OR10J5: variants seen among roughly 807,000 people sequenced by gnomAD.
OR10J5 encodes olfactory receptor family 10 subfamily J member 5.
For synonymous variants in OR10J5, 171 were observed against 137.1 expected, an observed-to-expected ratio of 1.25 and a Z score of -1.73; for missense variants, 389 against 372.1, an observed-to-expected ratio of 1.05 and a Z score of -0.37.
chr1:159,535,939 A>T lies in OR10J5; in HGVS notation c.69T>A (p.His23Gln). The T allele has an allele frequency of 1.2e-6, 2 of 1,613,506 alleles. No individual in the cohort carries two copies. Among genetic ancestry groups the T allele is most frequent in the Non-Finnish European group, 1.7e-6 (2 of 1,179,858 alleles). Reference protein sequence around the residue: ...IFLGFSSFGKHQITLFVVFLT... With the variant: ...IFLGFSSFGKQQITLFVVFLT... ...GGAAAACCACAAAGAGGGTTATCTG[A>T]TGCTTTCCAAAGCTAGAAAATCCCA... The change falls in exon 1 of 1, where the codon CAT becomes CAA. Residue 23 changes from histidine (H) to glutamine (Q), a missense_variant. By Grantham distance (24) the His-to-Gln change is conservative. Coordinates refer to ENST00000334857, the MANE Select transcript of OR10J5 (RefSeq NM_001004469.1).
chr1:159,535,931 G>A lies in OR10J5; in HGVS notation c.77C>T (p.Thr26Ile), dbSNP rs756122652. Residue 26 changes from threonine (T) to isoleucine (I), a missense_variant, in exon 1 of 1, where the codon ACC becomes ATC. Thr to Ile is a moderately conservative substitution (Grantham distance 89). Coordinates refer to ENST00000334857, the MANE Select transcript of OR10J5 (RefSeq NM_001004469.1). ...GFSSFGKHQITLFVVFLTVYI... is the reference protein window; with the variant it reads ...GFSSFGKHQIILFVVFLTVYI... ...GACAGTTAGGAAAACCACAAAGAGG[G>A]TTATCTGATGCTTTCCAAAGCTAGA... 5 of 1,613,614 alleles carry A rather than the reference G, an allele frequency of 3.1e-6. No homozygotes were observed. The highest frequency in any genetic ancestry group is 3.3e-4 in the Middle Eastern group (2 of 6,082).
Position 159,535,114 on chromosome 1 carries a change from A to G in OR10J5, c.894T>C (p.Asp298=), listed in dbSNP as rs1657826009. The G allele has an allele frequency of 2.5e-6, 4 of 1,613,858 alleles. No individual in the cohort carries two copies. The highest frequency in any genetic ancestry group is 3.4e-6 in the Non-Finnish European group (4 of 1,179,802). Residue 298 remains aspartate, a synonymous_variant, in exon 1 of 1, where the codon GAT becomes GAC. Coordinates refer to ENST00000334857, the MANE Select transcript of OR10J5 (RefSeq NM_001004469.1). ...TTCTGCCCACAACTCTGCATAGGGC[A>G]TCCTTTACCTCCTTGTTTCTCAGAC... ...VYSLRNKEVK[D]ALCRVVGRNI...
rs368340006 is a variant in OR10J5 at position 159,535,934 on chromosome 1, A to G, written c.74T>C (p.Ile25Thr). ...LGFSSFGKHQ[I>T]TLFVVFLTVY... is the part of the protein sequence containing the mutation. The stretch of plus-strand genomic sequence containing the variant: ...AGTTAGGAAAACCACAAAGAGGGTT[A>G]TCTGATGCTTTCCAAAGCTAGAAAA... The change falls in exon 1 of 1, where the codon ATA (isoleucine) becomes ACA (threonine). Residue 25 changes from isoleucine (I) to threonine (T), a missense_variant. Ile to Thr is a moderately conservative substitution (Grantham distance 89). Coordinates refer to ENST00000334857, the MANE Select transcript of OR10J5 (RefSeq NM_001004469.1). 3.1e-6 allele frequency: 5 copies of G among 1,613,642 alleles called. No homozygotes were observed. The highest frequency in any genetic ancestry group is 4.2e-6 in the Non-Finnish European group (5 of 1,179,864).
Position 159,535,166 on chromosome 1 carries a change from G to T in OR10J5, c.842C>A (p.Thr281Asn), listed in dbSNP as rs1483639968. The change falls in exon 1 of 1, where the codon ACT (threonine) becomes AAT (asparagine). Residue 281 changes from threonine (T) to asparagine (N), a missense_variant. Coordinates refer to ENST00000334857, the MANE Select transcript of OR10J5 (RefSeq NM_001004469.1). ...GTAAACAACAGGGTTCAGCAAGGGA[G>T]TGATGATGGTGTACGTCACTGAGAG... is the stretch of plus-strand genomic sequence containing the variant. ...LVLSVTYTII[T>N]PLLNPVVYSL... The T allele has an allele frequency of 5.6e-6, 9 of 1,614,052 alleles. No individual in the cohort carries two copies. The highest frequency in any genetic ancestry group is 6.8e-6 in the Non-Finnish European group (8 of 1,179,950).
Position 159,535,185 on chromosome 1 carries a change from C to T in OR10J5, c.823G>A (p.Val275Met). The change falls in exon 1 of 1, where the codon GTG (valine) becomes ATG (methionine). Residue 275 changes from valine (V) to methionine (M), a missense_variant. Coordinates refer to ENST00000334857, the MANE Select transcript of OR10J5 (RefSeq NM_001004469.1). ...SSIEKDLVLSVTYTIITPLLN... is the reference protein window; with the variant it reads ...SSIEKDLVLSMTYTIITPLLN... ...AAGGGAGTGATGATGGTGTACGTCA[C>T]TGAGAGAACAAGGTCTTTTTCTATT... 6.2e-7 allele frequency: 1 copy of T among 1,614,032 alleles called. No homozygotes were observed. Among genetic ancestry groups the T allele is most frequent in the Non-Finnish European group, 8.5e-7 (1 of 1,179,954 alleles).
Position 159,535,444 on chromosome 1 carries a change from G to A in OR10J5, c.564C>T (p.Cys188=). Residue 188 remains cysteine, a synonymous_variant, in exon 1 of 1, where the codon TGC becomes TGT. Coordinates refer to ENST00000334857, the MANE Select transcript of OR10J5 (RefSeq NM_001004469.1). The part of the protein sequence containing the change: ...CDIYPVMKLS[C]IDTTINEIIN... ...TTATCTCATTGATAGTGGTATCAATGCAAGAAAGTTTCATGACTGGGTAAA... is the reference window on the plus strand; with the variant it reads ...TTATCTCATTGATAGTGGTATCAATACAAGAAAGTTTCATGACTGGGTAAA... The A allele has an allele frequency of 2.5e-6, 4 of 1,614,070 alleles. No individual in the cohort carries two copies. The highest frequency in any genetic ancestry group is 3.4e-6 in the Non-Finnish European group (4 of 1,179,922).
At position 159,535,697 on chromosome 1, in the gene OR10J5, A is replaced by T. The variant is rs907269563; in HGVS notation, c.311T>A (p.Phe104Tyr). 6.2e-7 allele frequency: 1 copy of T among 1,614,200 alleles called. No individual in the cohort carries two copies. Among genetic ancestry groups the T allele is most frequent in the African/African-American group, 1.3e-5 (1 of 75,054 alleles). The change falls in exon 1 of 1, where the codon TTT (phenylalanine) becomes TAT (tyrosine). Residue 104 changes from phenylalanine (F) to tyrosine (Y), a missense_variant. Coordinates refer to ENST00000334857, the MANE Select transcript of OR10J5 (RefSeq NM_001004469.1). Reference protein sequence around the residue: ...LAGCATQMFFFVILATNNCFL... With the variant: ...LAGCATQMFFYVILATNNCFL... ...GCAATTATTAGTGGCCAAGATAACA[A>T]AAAAGAACATTTGTGTAGCACAGCC... is the stretch of plus-strand genomic sequence containing the variant.
In OR10J5 at chr1:159,535,647, C is replaced by T; in HGVS notation, c.361G>A (p.Asp121Asn). 1 of 1,614,098 alleles carries T rather than the reference C, an allele frequency of 6.2e-7. No homozygotes were observed. The highest frequency in any genetic ancestry group is 8.5e-7 in the Non-Finnish European group (1 of 1,180,022). The change falls in exon 1 of 1, where the codon GAC becomes AAC. Residue 121 changes from aspartate (D) to asparagine (N), a missense_variant. Transcript: ENST00000334857. Reference sequence around the variant, plus strand: ...GGTCTGCAGATGGCCACATAGCGGTCATACCCCATTGCAGTAAGCAGGAAG... The same window carrying T: ...GGTCTGCAGATGGCCACATAGCGGTTATACCCCATTGCAGTAAGCAGGAAG... The part of the protein sequence containing the change: ...NCFLLTAMGY[D>N]RYVAICRPLR...
Position 159,535,931 on chromosome 1 carries a change from G to T in OR10J5, c.77C>A (p.Thr26Asn). Reference sequence around the variant, plus strand: ...GACAGTTAGGAAAACCACAAAGAGGGTTATCTGATGCTTTCCAAAGCTAGA... The same window carrying T: ...GACAGTTAGGAAAACCACAAAGAGGTTTATCTGATGCTTTCCAAAGCTAGA... ...GFSSFGKHQI[T>N]LFVVFLTVYI... Residue 26 changes from threonine (T) to asparagine (N), a missense_variant, in exon 1 of 1, where the codon ACC becomes AAC. By Grantham distance (65) the Thr-to-Asn change is moderately conservative. Transcript: ENST00000334857. 1.2e-6 allele frequency: 2 copies of T among 1,613,732 alleles called. No homozygotes were observed. The highest frequency in any genetic ancestry group is 8.5e-7 in the Non-Finnish European group (1 of 1,179,774).
chr1:159,535,876 G>C lies in OR10J5; in HGVS notation c.132C>G (p.Ile44Met). The C allele has an allele frequency of 6.2e-7, 1 of 1,614,060 alleles. No homozygotes were observed. The highest frequency in any genetic ancestry group is 8.5e-7 in the Non-Finnish European group (1 of 1,179,900). ...VYILTLVANI[I>M]IVTIICIDHH... is the part of the protein sequence containing the mutation. Reference sequence around the variant, plus strand: ...GGTCAATGCAGATGATAGTCACAATGATGATGTTAGCAACCAGAGTTAAAA... The same window carrying C: ...GGTCAATGCAGATGATAGTCACAATCATGATGTTAGCAACCAGAGTTAAAA... The change falls in exon 1 of 1, where the codon ATC becomes ATG. Residue 44 changes from isoleucine to methionine, a missense_variant. By Grantham distance (10) the Ile-to-Met change is conservative (BLOSUM62 1). Transcript: ENST00000334857.
In OR10J5 at chr1:159,535,680, T is replaced by C. The variant is rs780730919; in HGVS notation, c.328A>G (p.Asn110Asp). 20 of 1,614,122 alleles carry C rather than the reference T, an allele frequency of 1.2e-5. No individual in the cohort carries two copies. The South Asian group carries it at 1.9e-4, about 15-fold the overall frequency. The change falls in exon 1 of 1, where the codon AAT becomes GAT. Residue 110 changes from asparagine to aspartate, a missense_variant. Asn to Asp is a conservative substitution (Grantham distance 23, BLOSUM62 1). Transcript: ENST00000334857. ...QMFFFVILAT[N>D]NCFLLTAMGY... ...ATTGCAGTAAGCAGGAAGCAATTAT[T>C]AGTGGCCAAGATAACAAAAAAGAAC...
rs1253723547 is a variant in OR10J5 at position 159,535,208 on chromosome 1, A to G, written c.800T>C (p.Ile267Thr). 1.2e-6 allele frequency: 2 copies of G among 1,613,998 alleles called. No individual in the cohort carries two copies. The highest frequency in any genetic ancestry group is 1.7e-6 in the Non-Finnish European group (2 of 1,179,980). The stretch of plus-strand genomic sequence containing the variant: ...CACTGAGAGAACAAGGTCTTTTTCT[A>G]TTGAACTTTCTGACTTCGGCTTGAG... The part of the protein sequence containing the change: ...AYLKPKSESS[I>T]EKDLVLSVTY... Residue 267 changes from isoleucine to threonine, a missense_variant, in exon 1 of 1, where the codon ATA becomes ACA. Transcript: ENST00000334857.
At position 159,535,766 on chromosome 1, in the gene OR10J5, A is replaced by G; in HGVS notation, c.242T>C (p.Met81Thr). Residue 81 changes from methionine (M) to threonine (T), a missense_variant, in exon 1 of 1, where the codon ATG becomes ACG. Met to Thr is a moderately conservative substitution (Grantham distance 81). Coordinates refer to ENST00000334857, the MANE Select transcript of OR10J5 (RefSeq NM_001004469.1). ...GTTATGAAAAATGAGGCTCAAAAGC[A>G]TTCGTGGCACAATGACCAGTGTGTA... ...TVYTLVIVPR[M>T]LLSLIFHNQP... is the part of the protein sequence containing the mutation. 6.2e-7 allele frequency: 1 copy of G among 1,614,212 alleles called. No homozygotes were observed. Among genetic ancestry groups the G allele is most frequent in the South Asian group, 1.1e-5 (1 of 91,086 alleles).
At position 159,535,172 on chromosome 1, in the gene OR10J5, A is replaced by G; in HGVS notation, c.836T>C (p.Ile279Thr). Residue 279 changes from isoleucine to threonine, a missense_variant, in exon 1 of 1, where the codon ATC (isoleucine) becomes ACC (threonine). Transcript: ENST00000334857. ...AACAGGGTTCAGCAAGGGAGTGATG[A>G]TGGTGTACGTCACTGAGAGAACAAG... is the stretch of plus-strand genomic sequence containing the variant. Reference protein sequence around the residue: ...KDLVLSVTYTIITPLLNPVVY... With the variant: ...KDLVLSVTYTTITPLLNPVVY... The G allele has an allele frequency of 1.2e-6, 2 of 1,613,656 alleles. No homozygotes were observed. The highest frequency in any genetic ancestry group is 1.7e-6 in the Non-Finnish European group (2 of 1,179,580).
At position 159,535,358 on chromosome 1, in the gene OR10J5, T is replaced by A. The variant is rs372971358; in HGVS notation, c.650A>T (p.Tyr217Phe). ...AAGGATGGAAGAGATGACAAGGACA[T>A]AGGAGATAAATATCAGGCCTATGGG... The part of the protein sequence containing the change: ...FVPIGLIFIS[Y>F]VLVISSILQI... Residue 217 changes from tyrosine (Y) to phenylalanine (F), a missense_variant, in exon 1 of 1, where the codon TAT becomes TTT. Transcript: ENST00000334857. 84 of 1,614,038 alleles carry A rather than the reference T, an allele frequency of 5.2e-5. No homozygotes were observed. Among genetic ancestry groups the A allele is most frequent in the Non-Finnish European group, 6.9e-5 (82 of 1,180,024 alleles).
rs977776124 is a variant in OR10J5, at chr1:159,535,852, G to T, written c.156C>A (p.Asp52Glu). Residue 52 changes from aspartate (D) to glutamate (E), a missense_variant, in exon 1 of 1, where the codon GAC (aspartate) becomes GAA (glutamate). Coordinates refer to ENST00000334857, the MANE Select transcript of OR10J5 (RefSeq NM_001004469.1). ...AATACATGGGAGTGTGGAGATGATGGTCAATGCAGATGATAGTCACAATGA... is the reference window on the plus strand; with the variant it reads ...AATACATGGGAGTGTGGAGATGATGTTCAATGCAGATGATAGTCACAATGA... ...NIIIVTIICI[D>E]HHLHTPMYFF... The T allele has an allele frequency of 2.5e-6, 4 of 1,614,138 alleles. No individual in the cohort carries two copies. Among genetic ancestry groups the T allele is most frequent in the Non-Finnish European group, 3.4e-6 (4 of 1,179,982 alleles).
rs149827201 is a variant in OR10J5 at position 159,535,117 on chromosome 1, C to T, written c.891G>A (p.Lys297=). ...VVYSLRNKEV[K]DALCRVVGRN... is the part of the protein sequence containing the mutation. ...TGCCCACAACTCTGCATAGGGCATCCTTTACCTCCTTGTTTCTCAGACTGT... is the reference window on the plus strand; with the variant it reads ...TGCCCACAACTCTGCATAGGGCATCTTTTACCTCCTTGTTTCTCAGACTGT... Residue 297 remains lysine, a synonymous_variant, in exon 1 of 1, where the codon AAG becomes AAA. Transcript: ENST00000334857. 6.2e-7 allele frequency: 1 copy of T among 1,613,926 alleles called. No individual in the cohort carries two copies. The highest frequency in any genetic ancestry group is 8.5e-7 in the Non-Finnish European group (1 of 1,179,904).
chr1:159,535,314 C>A lies in OR10J5; in HGVS notation c.694G>T (p.Gly232Cys). Residue 232 changes from glycine to cysteine, a missense_variant, in exon 1 of 1, where the codon GGC becomes TGC. Physicochemically the swap from Gly to Cys is radical, Grantham distance 159. Coordinates refer to ENST00000334857, the MANE Select transcript of OR10J5 (RefSeq NM_001004469.1). ...SSILQIASAE[G>C]RKKTFATCVS... ...CAGGTGGCAAAGGTCTTCTTCCGGC[C>A]CTCAGCTGAGGCAATTTGAAGGATG... is the stretch of plus-strand genomic sequence containing the variant. The A allele has an allele frequency of 6.2e-7, 1 of 1,614,028 alleles. No individual in the cohort carries two copies. The highest frequency in any genetic ancestry group is 8.5e-7 in the Non-Finnish European group (1 of 1,180,010).
Position 159,535,533 on chromosome 1 carries a change from G to T in OR10J5, c.475C>A (p.His159Asn), listed in dbSNP as rs1174462429. ...FGIGLTMAVL[H>N]VTAMFNLPFC... ...GGCAAATTGAACATGGCTGTCACAT[G>T]GAGAACTGCCATAGTCAGACCAATG... is the stretch of plus-strand genomic sequence containing the variant. Residue 159 changes from histidine (H) to asparagine (N), a missense_variant, in exon 1 of 1, where the codon CAT becomes AAT. Coordinates refer to ENST00000334857, the MANE Select transcript of OR10J5 (RefSeq NM_001004469.1). 1 of 1,613,996 alleles carries T rather than the reference G, an allele frequency of 6.2e-7. No individual in the cohort carries two copies. Among genetic ancestry groups the T allele is most frequent in the Non-Finnish European group, 8.5e-7 (1 of 1,179,912 alleles).
Sources: gnomAD v4.1 joint callset for allele counts on GRCh38, gnomAD v4.1.1 for gene constraint, MANE v1.5 for transcripts, NCBI Gene and HGNC (gene_info 2026-07-23, HGNC 2026-07-21) for gene names.